EVI5: variants seen among roughly 807,000 people sequenced by gnomAD.
EVI5 encodes the protein ecotropic viral integration site 5, also known as ecotropic viral integration site 5 protein homolog.
In EVI5, 73 loss-of-function variants were observed where a neutral mutation model predicts 112.0. The observed-to-expected ratio is 0.65, with a 90% CI of 0.54 to 0.79. The LOEUF (loss-of-function observed/expected upper bound fraction) is 0.79, where lower values mean the gene tolerates loss of function less well. EVI5 is among the 30% of genes least tolerant of loss of function. The pLI is 0.00. For missense variants in EVI5, 900 were observed against 968.8 expected, an observed-to-expected ratio of 0.93 and a Z score of 0.94; for synonymous variants, 305 against 319.9, an observed-to-expected ratio of 0.95 and a Z score of 0.50.
chr1:92,722,213 A>C (rs1350968259), intron 2 of EVI5, among the ~76,000 whole-genome samples: 2 of 152,184 alleles, frequency 1.3e-5, no homozygotes, highest in African/African-American at 4.8e-5. Flanking sequence ...AATATAATAT[A>C]CTGTTATTAA....
intron 19 of EVI5, among the ~76,000 whole-genome samples, chr1:92,539,053 A>G (rs958866511): frequency 3.3e-5 from 5 of 152,224 alleles, no homozygotes; most frequent in African/African-American, 9.6e-5. Context: ...ATAATATCAC[A>G]CTGTGACTAC....
rs531618374 is a variant in EVI5 at position 92,790,364 on chromosome 1, G to C, written c.51+1980C>G. Among the ~76,000 whole-genome samples the C allele has an allele frequency of 8.5e-5, 13 of 152,154 alleles. No individual in the cohort carries two copies. The South Asian group carries it at 2.7e-3, about 32-fold the overall frequency. ...ATAGTCACACTCACATAGTTCAAGT[G>C]CTCAATAATAGCACATGTGGCTAGT... On this transcript the variant is annotated intron_variant, in intron 1 of 17. Coordinates refer to the EVI5 transcript ENST00000370331.
intron 1 of EVI5, among the ~76,000 whole-genome samples, chr1:92,753,963 G>A (rs1248216442): frequency 6.6e-6 from 1 of 152,132 alleles, no homozygotes. Context: ...AATATGCCTA[G>A]AAGGAAGTCT....
At chr1:92,585,390 G>C (rs1672618952) in intron 18 of EVI5, among the ~76,000 whole-genome samples, 1 of 152,066 alleles carries the variant, frequency 6.6e-6, no homozygotes, top group South Asian at 2.1e-4. Flanking sequence ...TACTAGGGAG[G>C]CTTAGGTAGA....
At chr1:92,687,470 A>G (rs1355264609) in intron 9 of EVI5, among the ~76,000 whole-genome samples, 1 of 152,234 alleles carries the variant, frequency 6.6e-6, no homozygotes, top group Non-Finnish European at 1.5e-5. Context: ...CATTCAGGAC[A>G]TAGGCATGGG....
Position 92,663,572 on chromosome 1 carries a change from A to G in EVI5, c.1213-120T>C, listed in dbSNP as rs964771478. The G allele has an allele frequency of 3.1e-5, 14 of 445,846 alleles. No individual in the cohort carries two copies. In the Admixed American group the frequency reaches 3.6e-4, roughly 11 times the overall value. 27.6% of individuals were successfully genotyped at this position (445,846 alleles called of 1,614,324 possible). A position where few individuals can be genotyped will look rare whatever the true frequency, so the allele number is the denominator to read the frequency against. On this transcript the variant is annotated intron_variant, in intron 11 of 19. Coordinates refer to ENST00000684568, the MANE Select transcript of EVI5 (RefSeq NM_001350197.2). ...CTTTTCATTGCTAATTAAAATGGAC[A>G]TTTAAAGTTTAAAACCATTTTTTAC...
At chr1:92,527,429 A>AAAAAAG (rs1662093705) in intron 19 of EVI5, among the ~76,000 whole-genome samples, 4 of 134,764 alleles carry the variant, frequency 3.0e-5, no homozygotes, top group Non-Finnish European at 4.7e-5. Context: ...AAAAAAAAAA[A>AAAAAAG]AAAAGAAAAA....
At chr1:92,636,575 G>A (rs1035987559) in intron 13 of EVI5, among the ~76,000 whole-genome samples, 2 of 152,078 alleles carry the variant, frequency 1.3e-5, no homozygotes, top group Non-Finnish European at 2.9e-5. Flanking sequence ...TAGTTATTAC[G>A]CTGATCAAAT....
At position 92,750,978 on chromosome 1, in the gene EVI5, G is replaced by A. The variant is rs1680100499; in HGVS notation, c.-81-14351C>T. Among the ~76,000 whole-genome samples, 8 of 152,140 alleles carry A rather than the reference G, an allele frequency of 5.3e-5. No individual in the cohort carries two copies. The South Asian group carries it at 8.3e-4, about 16-fold the overall frequency. ...ATCCTGGCTAACACGGTAAAACCCC[G>A]TTTCTACTAAAAATACAAAAAATTA... On this transcript the variant is annotated intron_variant, in intron 1 of 19. Transcript: ENST00000684568.
chr1:92,602,028 T>C (rs923173827), intron 18 of EVI5, among the ~76,000 whole-genome samples: 1 of 152,204 alleles, frequency 6.6e-6, no homozygotes, highest in Non-Finnish European at 1.5e-5. Flanking sequence ...GAGGTTTTTC[T>C]GAATATGTGC....
At chr1:92,784,291 G>A (rs895867086) in intron 1 of EVI5, 14 of 985,002 alleles carry the variant, frequency 1.4e-5, no homozygotes, top group Non-Finnish European at 1.7e-5. Context: ...TGCCCCACTA[G>A]TCATAAGGTG....
intron 18 of EVI5, among the ~76,000 whole-genome samples, chr1:92,596,030 T>C (rs1477194837): frequency 6.6e-6 from 1 of 152,236 alleles, no homozygotes; most frequent in African/African-American, 2.4e-5. Context: ...ATTTTCTCTA[T>C]GCCTCAGTTT....
intron 16 of EVI5, among the ~76,000 whole-genome samples, chr1:92,623,643 T>C (rs1195840196): frequency 3.3e-5 from 5 of 152,230 alleles, no homozygotes; most frequent in South Asian, 2.1e-4. Context: ...GGAAGCATCA[T>C]TCACATTATA....
At chr1:92,532,823 A>G (rs1314230856) in intron 19 of EVI5, among the ~76,000 whole-genome samples, 5 of 152,156 alleles carry the variant, frequency 3.3e-5, no homozygotes, top group Admixed American at 2.6e-4. Flanking sequence ...AATGCCTACA[A>G]GAGGAAGCAG....
At chr1:92,783,492 A>AG (rs1685143319) in intron 1 of EVI5, among the ~76,000 whole-genome samples, 3 of 112,932 alleles carry the variant, frequency 2.7e-5, no homozygotes, top group East Asian at 2.5e-4. Context: ...TTAAAAAAAA[A>AG]AAAAAAAAAA....
chr1:92,616,257 G>A (rs140042163), intron 16 of EVI5, among the ~76,000 whole-genome samples: 2 of 152,268 alleles, frequency 1.3e-5, no homozygotes, highest in Admixed American at 1.3e-4. Context: ...ATAGATTTGT[G>A]AGGGCAGCAC....
intron 9 of EVI5, among the ~76,000 whole-genome samples, chr1:92,686,194 C>A (rs918781763): frequency 1.3e-5 from 2 of 152,204 alleles, no homozygotes; most frequent in Non-Finnish European, 2.9e-5. Flanking sequence ...AAAAGCTTAT[C>A]CACCATGATC....
chr1:92,709,106 G>A (rs1017130894), intron 2 of EVI5, among the ~76,000 whole-genome samples: 2 of 152,074 alleles, frequency 1.3e-5, no homozygotes, highest in African/African-American at 4.8e-5. Flanking sequence ...TAAATATATG[G>A]TATATGAATA....
At chr1:92,568,340 C>T (rs961153923) in intron 18 of EVI5, among the ~76,000 whole-genome samples, 1 of 140,520 alleles carries the variant, frequency 7.1e-6, no homozygotes, top group Non-Finnish European at 1.5e-5. Context: ...CATGTCGCTA[C>T]ACTCCAGCCT....
Sources: gnomAD v4.1 joint callset for allele counts (sites outside exome capture counted in the v4.1 genomes callset) on GRCh38, gnomAD v4.1.1 for gene constraint, MANE v1.5 for transcripts, NCBI Gene and HGNC (gene_info 2026-07-23, HGNC 2026-07-21) for gene names.